The following MAST2 variants were observed in gnomAD, a reference collection of about 807,000 sequenced individuals.
The protein encoded by MAST2 is microtubule-associated serine/threonine-protein kinase 2.
MAST2 carries 70 observed loss-of-function variants against 147.4 expected under a neutral mutation model. That is an observed-to-expected ratio of 0.47 (90% CI 0.39 to 0.58). The LOEUF (loss-of-function observed/expected upper bound fraction) is 0.58, where lower values mean the gene tolerates loss of function less well. MAST2 is among the 20% of genes least tolerant of loss of function. The pLI, the probability that MAST2 is intolerant of heterozygous loss-of-function variation, is 0.00. For missense variants in MAST2, 2,080 were observed against 2,302.3 expected (o/e 0.90, Z 1.98); for synonymous variants, 869 against 896.8 (o/e 0.97, Z 0.55).
At chr1:45,916,611 A>C (rs1652562752) in intron 4 of MAST2, among the ~76,000 whole-genome samples, 1 of 152,230 alleles carries the variant, frequency 6.6e-6, no homozygotes, top group South Asian at 2.1e-4. Flanking sequence ...TTAGCTAAAC[A>C]AATTGGTATT....
intron 12 of MAST2, 136 bp downstream of exon 12, chr1:46,022,218 G>A: frequency 9.6e-7 from 1 of 1,040,632 alleles, no homozygotes; most frequent in South Asian, 1.6e-5. Context: ...GATTTTAGGA[G>A]ATACCCTGTG....
At chr1:45,884,384 C>T (rs1403574767) in intron 4 of MAST2, among the ~76,000 whole-genome samples, 4 of 151,950 alleles carry the variant, frequency 2.6e-5, no homozygotes, top group Non-Finnish European at 5.9e-5. Flanking sequence ...CCTGTCTCTA[C>T]TAAAAATAAA....
intron 1 of MAST2, among the ~76,000 whole-genome samples, chr1:45,810,633 GA>G (rs1644260731): frequency 6.6e-6 from 1 of 151,330 alleles, no homozygotes; most frequent in Admixed American, 6.6e-5. Context: ...CCAACATGAT[GA>G]AACCCCATCT....
intron 4 of MAST2, among the ~76,000 whole-genome samples, chr1:45,951,551 C>A (rs909407068): frequency 6.6e-6 from 1 of 152,024 alleles, no homozygotes; most frequent in Non-Finnish European, 1.5e-5. Context: ...CCACTGCACT[C>A]CAACCTGGGT....
chr1:45,909,671 C>G (rs1261726892), intron 4 of MAST2, among the ~76,000 whole-genome samples: 1 of 152,050 alleles, frequency 6.6e-6, no homozygotes, highest in Non-Finnish European at 1.5e-5. Context: ...GCATGCGCCC[C>G]CACGCCCAGC....
chr1:45,966,272 C>T (rs1379333755), intron 5 of MAST2, among the ~76,000 whole-genome samples: 1 of 152,150 alleles, frequency 6.6e-6, no homozygotes, highest in African/African-American at 2.4e-5. Context: ...TACTGAAGGG[C>T]ATCTTGGTTG....
In MAST2 at chr1:46,030,687, G is replaced by A. The variant is rs372758926; in HGVS notation, c.2634G>A (p.Glu878=). ...PPPTKRSLSE[E]KEDHSDGLAG... is the part of the protein sequence containing the mutation. ...CGACCAAGCGCAGCCTGAGTGAGGAGAAGGAGGACCATTCAGATGGCCTGG... is the reference window on the plus strand; with the variant it reads ...CGACCAAGCGCAGCCTGAGTGAGGAAAAGGAGGACCATTCAGATGGCCTGG... The change falls in exon 22 of 29, where the codon GAG becomes GAA. Residue 878 remains glutamate (E), a synonymous_variant. Coordinates refer to ENST00000361297, the MANE Select transcript of MAST2 (RefSeq NM_015112.3). The A allele has an allele frequency of 8.1e-6, 13 of 1,609,406 alleles. No individual in the cohort carries two copies. The highest frequency in any genetic ancestry group is 1.1e-5 in the Non-Finnish European group (13 of 1,178,680).
chr1:46,025,873 A>G (rs1453832991), intron 16 of MAST2, 58 bp downstream of exon 16: 1 of 1,608,152 alleles, frequency 6.2e-7, no homozygotes, highest in East Asian at 2.2e-5. Context: ...TCCAGATAAA[A>G]TGTTGGCAAG....
At chr1:45,987,776 G>GGTTTTTTTTT (rs1644692974) in intron 5 of MAST2, among the ~76,000 whole-genome samples, 1 of 30,708 alleles carries the variant, frequency 3.3e-5, no homozygotes, top group African/African-American at 1.4e-4. Context: ...TTTTTTTTTT[G>GGTTTTTTTTT]ATTTTTTTTT....
chr1:45,808,922 C>A (rs372237509), intron 1 of MAST2, among the ~76,000 whole-genome samples: 2 of 151,732 alleles, frequency 1.3e-5, no homozygotes, highest in African/African-American at 4.8e-5. Context: ...AGTTAGTTGC[C>A]ACTTCTCTTG....
intron 5 of MAST2, among the ~76,000 whole-genome samples, chr1:45,963,540 TC>T (rs1344938717): frequency 2.6e-5 from 4 of 152,184 alleles, no homozygotes; most frequent in Admixed American, 6.5e-5. Flanking sequence ...GAATGGGAGT[TC>T]ACTCATGATT....
At chr1:46,032,885 CT>C (rs1012584209) in intron 26 of MAST2, among the ~76,000 whole-genome samples, 167 bp downstream of exon 26, 1 of 151,328 alleles carries the variant, frequency 6.6e-6, no homozygotes, top group Non-Finnish European at 1.5e-5. Context: ...AATCCCAACA[CT>C]TTAGGAGGCT....
chr1:46,030,416 C>T, intron 21 of MAST2, 178 bp downstream of exon 21: 1 of 818,026 alleles, frequency 1.2e-6, no homozygotes, highest in Non-Finnish European at 1.9e-6. Context: ...AGAACCACTG[C>T]TGTCCCTGAC....
intron 1 of MAST2, among the ~76,000 whole-genome samples, chr1:45,811,940 T>C (rs1435008619): frequency 6.6e-6 from 1 of 152,072 alleles, no homozygotes; most frequent in African/African-American, 2.4e-5. Flanking sequence ...GGCCTAATTT[T>C]TGTATTTTTA....
intron 15 of MAST2, 89 bp from the exon 16 acceptor site, chr1:46,025,588 T>C (rs1646374622): frequency 6.6e-7 from 1 of 1,515,542 alleles, no homozygotes. Context: ...AGCTGTCTCC[T>C]CTGGGACCTC....
At chr1:45,851,029 A>T (rs1290637063) in intron 3 of MAST2, among the ~76,000 whole-genome samples, 1 of 152,010 alleles carries the variant, frequency 6.6e-6, no homozygotes, top group Admixed American at 6.6e-5. Context: ...GATAAGAATT[A>T]TGCTGAATCT....
At chr1:45,836,032 C>G (rs368685006) in intron 3 of MAST2, among the ~76,000 whole-genome samples, 2 of 152,050 alleles carry the variant, frequency 1.3e-5, no homozygotes, top group South Asian at 2.1e-4. Flanking sequence ...TTGTTTCCAC[C>G]TTTTAGCCAT....
intron 3 of MAST2, among the ~76,000 whole-genome samples, chr1:45,848,843 G>C (rs992321039): frequency 1.3e-5 from 2 of 152,084 alleles, no homozygotes; most frequent in Non-Finnish European, 2.9e-5. Context: ...CATCATCTTG[G>C]CCCAAAAGCT....
At chr1:46,015,467 G>A (rs1466662027) in intron 10 of MAST2, among the ~76,000 whole-genome samples, 1 of 152,082 alleles carries the variant, frequency 6.6e-6, no homozygotes, top group East Asian at 1.9e-4. Context: ...AATCAAATAG[G>A]CACAATAAAA....
Sources: allele counts gnomAD v4.1 joint callset (sites outside exome capture counted in the v4.1 genomes callset), GRCh38; gene constraint gnomAD v4.1.1; transcripts MANE v1.5; gene names NCBI Gene and HGNC (gene_info 2026-07-23, HGNC 2026-07-21).